The following ATP11A variants were observed in gnomAD, a reference collection of about 807,000 sequenced individuals.
ATP11A encodes the protein ATPase phospholipid transporting 11A.
A neutral mutation model predicts 154.4 loss-of-function variants in ATP11A; 81 were observed. The observed-to-expected ratio is 0.52, with a 90% confidence interval of 0.44 to 0.63. The LOEUF (loss-of-function observed/expected upper bound fraction) is 0.63. ATP11A is among the 30% of genes least tolerant of loss of function. The probability of loss-of-function intolerance (pLI) is 0.00; values close to 1 mark genes in which losing one functional copy is unlikely to be tolerated. For synonymous variants in ATP11A, 623 were observed against 585.9 expected (o/e 1.06, Z -0.91); for missense variants, 1,316 against 1,474.3 (o/e 0.89, Z 1.76).
In ATP11A at chr13:112,886,455, G is replaced by C. The variant is rs570982616; in HGVS notation, c.*4589G>C. 8 of 152,158 alleles carry C rather than the reference G, an allele frequency of 5.3e-5. No homozygotes were observed. Among genetic ancestry groups the C allele is most frequent in the Non-Finnish European group, 7.3e-5 (5 of 68,032 alleles). The allele number at this position is 152,158 out of a possible 1,614,324, so 9.4% of individuals were successfully genotyped here. A position where few individuals can be genotyped will look rare whatever the true frequency, so the allele number is the denominator to read the frequency against. ...CAGTGTCTAACAGCTTGATATGCAG[G>C]TCCTTGCATCCTACATTTCTTTAGG... On this transcript the variant is annotated 3_prime_UTR_variant, in exon 30 of 30. Transcript: ENST00000375645.
chr13:112,770,643 C>T (rs1429456943), intron 1 of ATP11A, among the ~76,000 whole-genome samples: 1 of 152,202 alleles, frequency 6.6e-6, no homozygotes, highest in Non-Finnish European at 1.5e-5. Context: ...CGTGGTCCAC[C>T]TGCGGAGGGC....
chr13:112,812,373 C>G (rs899871370), intron 5 of ATP11A, among the ~76,000 whole-genome samples: 10 of 152,326 alleles, frequency 6.6e-5, no homozygotes, highest in Admixed American at 2.0e-4. Context: ...ACGCCTCCCT[C>G]CCTCGTGCAG....
At chr13:112,722,871 G>A (rs1411770888) in intron 1 of ATP11A, among the ~76,000 whole-genome samples, 1 of 152,166 alleles carries the variant, frequency 6.6e-6, no homozygotes, top group African/African-American at 2.4e-5. Context: ...GAAGGTCGAC[G>A]TGGCTCAGCC....
At position 112,883,064 on chromosome 13, in the gene ATP11A, C is replaced by A; in HGVS notation, c.*1198C>A. 1 of 398,182 alleles carries A rather than the reference C, an allele frequency of 2.5e-6. No individual in the cohort carries two copies. 24.7% of individuals were successfully genotyped at this position (398,182 alleles called of 1,614,324 possible). On this transcript the variant is annotated 3_prime_UTR_variant, in exon 30 of 30. Coordinates refer to ENST00000375645, the MANE Select transcript of ATP11A (RefSeq NM_015205.3). ...ACCTCGTCCCCACATCCCCTTGCCC[C>A]GTCACCTCGTCCTCATGTCCCCTTG...
At chr13:112,766,642 C>T (rs1364204846) in intron 1 of ATP11A, among the ~76,000 whole-genome samples, 1 of 151,804 alleles carries the variant, frequency 6.6e-6, no homozygotes, top group African/African-American at 2.4e-5. Flanking sequence ...GGAGGGTTTC[C>T]CTCATTGGCT....
intron 1 of ATP11A, among the ~76,000 whole-genome samples, chr13:112,748,608 C>G (rs1266342477): frequency 1.3e-5 from 2 of 152,178 alleles, no homozygotes; most frequent in Non-Finnish European, 2.9e-5. Context: ...TCATGCGATC[C>G]ATTCGCCGAG....
intron 1 of ATP11A, among the ~76,000 whole-genome samples, chr13:112,775,037 T>G (rs925639267): frequency 6.6e-6 from 1 of 152,282 alleles, no homozygotes. Flanking sequence ...CTGCAGCGTG[T>G]GCCTCGGATG....
chr13:112,880,359 T>A (rs1210242157), intron 29 of ATP11A: 1 of 332,942 alleles, frequency 3.0e-6, no homozygotes, highest in Non-Finnish European at 5.0e-6. Flanking sequence ...GCGGCCCTGC[T>A]GGGACAGTGT....
In ATP11A at chr13:112,882,471, A is replaced by C; in HGVS notation, c.*605A>C. ...CATGGTGGTGCGTCCTTTACTCAAC[A>C]ACCCTCCAATCCGGATGCTGTGGGA... On this transcript the variant is annotated 3_prime_UTR_variant, in exon 30 of 30. Transcript: ENST00000375645. The surrounding 1 kb of genome is among the most constrained non-coding windows in gnomAD (Gnocchi z 5.1). 4.4e-6 allele frequency: 2 copies of C among 452,430 alleles called. No individual in the cohort carries two copies. Among genetic ancestry groups the C allele is most frequent in the Non-Finnish European group, 3.9e-6 (1 of 256,718 alleles). The allele number at this position is 452,430 out of a possible 1,614,324, so 28.0% of individuals were successfully genotyped here. A position where few individuals can be genotyped will look rare whatever the true frequency, so the allele number is the denominator to read the frequency against.
chr13:112,723,378 TCTC>T (rs1381408622), intron 1 of ATP11A, among the ~76,000 whole-genome samples: 4 of 43,726 alleles, frequency 9.1e-5, no homozygotes, highest in Non-Finnish European at 1.9e-4. Context: ...TTCAGGCTAT[TCTC>T]CTGCTTCAGC....
At chr13:112,777,066 G>A (rs1475288762) in intron 1 of ATP11A, among the ~76,000 whole-genome samples, 1 of 152,180 alleles carries the variant, frequency 6.6e-6, no homozygotes, top group Non-Finnish European at 1.5e-5. Context: ...TGTGGCAGTG[G>A]CCTCAGGGGT....
At chr13:112,726,779 C>T (rs982113433) in intron 1 of ATP11A, among the ~76,000 whole-genome samples, 3 of 152,246 alleles carry the variant, frequency 2.0e-5, no homozygotes, top group Admixed American at 2.0e-4. Context: ...AGTGCCTTAA[C>T]CTGTAAACTT....
chr13:112,818,885 C>T (rs142171604), intron 6 of ATP11A, among the ~76,000 whole-genome samples: 28 of 152,316 alleles, frequency 1.8e-4, no homozygotes, highest in African/African-American at 2.2e-4. Flanking sequence ...CCAACAGCAA[C>T]GGGCACAGGC....
chr13:112,730,451 C>T (rs1015006899), intron 1 of ATP11A, among the ~76,000 whole-genome samples: 11 of 152,184 alleles, frequency 7.2e-5, no homozygotes, highest in Non-Finnish European at 1.5e-4. Context: ...TCGTGGCTGG[C>T]GTGTGATGTG....
chr13:112,736,615 T>C (rs922663401), intron 1 of ATP11A, among the ~76,000 whole-genome samples: 1 of 152,218 alleles, frequency 6.6e-6, no homozygotes, highest in Non-Finnish European at 1.5e-5. Context: ...GTGTGTTGTT[T>C]CCAGCATGCC....
At chr13:112,850,573 A>C (rs1331379599) in intron 17 of ATP11A, among the ~76,000 whole-genome samples, 1 of 152,208 alleles carries the variant, frequency 6.6e-6, no homozygotes, top group Non-Finnish European at 1.5e-5. Flanking sequence ...CTTCATTGTG[A>C]AAGAACAACC....
At chr13:112,707,853 A>AG (rs1887323329) in intron 1 of ATP11A, among the ~76,000 whole-genome samples, 1 of 152,218 alleles carries the variant, frequency 6.6e-6, no homozygotes. Context: ...CACCAAAAAA[A>AG]GGTCCTGGTC....
At chr13:112,780,998 C>A (rs1473480011) in intron 1 of ATP11A, among the ~76,000 whole-genome samples, 7 of 152,078 alleles carry the variant, frequency 4.6e-5, no homozygotes, top group Non-Finnish European at 7.4e-5. Context: ...TGCTCTGAAT[C>A]CTGAAAACAG....
chr13:112,819,747 G>A (rs892734605), intron 7 of ATP11A, among the ~76,000 whole-genome samples, 153 bp from the exon 8 acceptor site: 1 of 152,228 alleles, frequency 6.6e-6, no homozygotes, highest in Non-Finnish European at 1.5e-5. Context: ...CAGAAAGTAC[G>A]ACAAGGGAAG....
Sources: gnomAD v4.1 joint callset for allele counts (sites outside exome capture counted in the v4.1 genomes callset) on GRCh38, gnomAD v4.1.1 for gene constraint, Gnocchi (gnomAD v3.1) non-coding constraint, MANE v1.5 for transcripts, NCBI Gene and HGNC (gene_info 2026-07-23, HGNC 2026-07-21) for gene names.